The following JAM2 variants were observed in gnomAD, a reference collection of about 807,000 sequenced individuals.
JAM2 encodes junctional adhesion molecule B.
JAM2 carries 17 observed loss-of-function variants against 42.0 expected under a neutral mutation model. The ratio of observed to expected loss-of-function variants is 0.40; its 90% CI spans 0.28 to 0.61. JAM2 has a LOEUF of 0.61. Among genes scored for constraint, JAM2 ranks in the 20% least tolerant of loss-of-function variants. The pLI is 0.37. For missense variants in JAM2, 319 were observed against 358.3 expected, an observed-to-expected ratio of 0.89 and a Z score of 0.89; for synonymous variants, 118 against 128.6, an observed-to-expected ratio of 0.92 and a Z score of 0.56.
intron 6 of JAM2, among the ~76,000 whole-genome samples, chr21:25,702,643 C>A (rs1032782608): frequency 6.6e-6 from 1 of 152,086 alleles, no homozygotes; most frequent in African/African-American, 2.4e-5. Context: ...GAATGTATAT[C>A]ATTGATATTA....
Position 25,689,881 on chromosome 21 carries a change from G to T in JAM2, c.149G>T (p.Cys50Phe), listed in dbSNP as rs748046846. ...AVEYQEAILA[C>F]KTPKKTVSSR... The stretch of plus-strand genomic sequence containing the variant: ...TTGTTCCTAGAGGCTATTTTAGCCT[G>T]CAAAACCCCAAAGAAGACTGTTTCC... Residue 50 changes from cysteine (C) to phenylalanine (F), a missense_variant, in exon 3 of 10, where the codon TGC becomes TTC. Coordinates refer to ENST00000480456, the MANE Select transcript of JAM2 (RefSeq NM_021219.4). The T allele has an allele frequency of 6.2e-7, 1 of 1,612,560 alleles. No individual in the cohort carries two copies. Among genetic ancestry groups the T allele is most frequent in the East Asian group, 2.2e-5 (1 of 44,866 alleles).
chr21:25,695,609 C>T (rs1440932174), intron 4 of JAM2, among the ~76,000 whole-genome samples: 1 of 147,072 alleles, frequency 6.8e-6, no homozygotes, highest in African/African-American at 2.5e-5. Flanking sequence ...GAGGCGCCCC[C>T]CCACCTCCCT....
intron 1 of JAM2, among the ~76,000 whole-genome samples, chr21:25,683,184 T>C (rs1037222470): frequency 1.3e-5 from 2 of 152,024 alleles, no homozygotes. Flanking sequence ...GTATCAAAGG[T>C]GCCTTTTTAA....
chr21:25,669,750 T>G (rs1467894752), intron 1 of JAM2, among the ~76,000 whole-genome samples: 1 of 152,252 alleles, frequency 6.6e-6, no homozygotes, highest in Non-Finnish European at 1.5e-5. Context: ...TATGACTTCC[T>G]AAAGACAGAA....
intron 2 of JAM2, among the ~76,000 whole-genome samples, chr21:25,688,033 A>C (rs1211151456): frequency 6.6e-6 from 1 of 152,238 alleles, no homozygotes. Flanking sequence ...GATACAGCTC[A>C]AGAACAATGC....
At position 25,712,393 on chromosome 21, in the gene JAM2, T is replaced by A. The variant is rs749381747; in HGVS notation, c.864+11T>A. On this transcript the variant is annotated intron_variant, in intron 9 of 9. Coordinates refer to ENST00000480456, the MANE Select transcript of JAM2 (RefSeq NM_021219.4). ...ACAATGAGTGAAAATGTGAGTATCTTTAAAGCATATTTATAGAATGAATAT... is the reference window on the plus strand; with the variant it reads ...ACAATGAGTGAAAATGTGAGTATCTATAAAGCATATTTATAGAATGAATAT... 1.9e-6 allele frequency: 3 copies of A among 1,550,184 alleles called. No homozygotes were observed. The East Asian group carries it at 6.7e-5, about 35-fold the overall frequency.
At chr21:25,705,379 C>T (rs2034250697) in intron 6 of JAM2, among the ~76,000 whole-genome samples, 1 of 151,856 alleles carries the variant, frequency 6.6e-6, no homozygotes, top group African/African-American at 2.4e-5. Flanking sequence ...TCCAGGAATG[C>T]ACCACCATAC....
At chr21:25,691,796 A>G (rs2033887025) in intron 3 of JAM2, among the ~76,000 whole-genome samples, 1 of 152,088 alleles carries the variant, frequency 6.6e-6, no homozygotes, top group African/African-American at 2.4e-5. Flanking sequence ...TTGGGAAGCC[A>G]AGGCATGCGG....
intron 4 of JAM2, among the ~76,000 whole-genome samples, chr21:25,695,632 G>A (rs1414567077): frequency 1.3e-5 from 2 of 151,434 alleles, no homozygotes; most frequent in South Asian, 2.1e-4. Context: ...CGGATGGGGC[G>A]GCGGCAGGGC....
chr21:25,713,847 C>A (rs1345868958), intron 9 of JAM2, among the ~76,000 whole-genome samples: 2 of 152,208 alleles, frequency 1.3e-5, no homozygotes, highest in Non-Finnish European at 2.9e-5. Context: ...GTATGAAGCA[C>A]ATTGTGGCTA....
chr21:25,696,261 G>T (rs866334443), intron 4 of JAM2, among the ~76,000 whole-genome samples: 4 of 152,182 alleles, frequency 2.6e-5, no homozygotes, highest in Non-Finnish European at 5.9e-5. Context: ...GGCGGCGCGC[G>T]CCTGCAATCC....
In JAM2 at chr21:25,665,548, G is replaced by A. The variant is rs73897024; in HGVS notation, c.68-18335G>A. Among the ~76,000 whole-genome samples the A allele has an allele frequency of 7.4e-3, 1,124 of 152,228 alleles. 16 individuals carry two copies. The highest frequency in any genetic ancestry group is 0.025 in the African/African-American group (1,059 of 41,532). On this transcript the variant is annotated intron_variant, in intron 1 of 9. Coordinates refer to ENST00000480456, the MANE Select transcript of JAM2 (RefSeq NM_021219.4). ...ATGTATATAAAGAGACTTGTTTTAA[G>A]GAATTGGTTCATGTGATTATGGAGG...
chr21:25,639,882 C>A lies in JAM2; in HGVS notation c.61C>A (p.Leu21Met), dbSNP rs920170147. The A allele has an allele frequency of 6.3e-7, 1 of 1,590,506 alleles. No individual in the cohort carries two copies. The highest frequency in any genetic ancestry group is 1.8e-5 in the Admixed American group (1 of 56,926). The change falls in exon 1 of 10, where the codon CTG becomes ATG. Residue 21 changes from leucine to methionine, a missense_variant. Transcript: ENST00000480456. ...LLLLRYLVVA[L>M]GYHKAYGFSA... ...GCTGCTGCGCTACCTGGTGGTCGCC[C>A]TGGGCTGTAAGTTGCTCGGGTTCCT...
chr21:25,698,912 G>C, intron 5 of JAM2, 33 bp downstream of exon 5: 1 of 1,560,188 alleles, frequency 6.4e-7, no homozygotes, highest in Non-Finnish European at 8.8e-7. Flanking sequence ...CTTGATAACT[G>C]TCTTGCATTT....
At chr21:25,687,656 C>G (rs1367022509) in intron 2 of JAM2, among the ~76,000 whole-genome samples, 1 of 152,172 alleles carries the variant, frequency 6.6e-6, no homozygotes, top group African/African-American at 2.4e-5. Context: ...AATTTATTCT[C>G]TCATGGTTCT....
intron 1 of JAM2, among the ~76,000 whole-genome samples, chr21:25,676,286 CAAA>C (rs397958040): frequency 3.3e-5 from 2 of 61,260 alleles, no homozygotes; most frequent in Non-Finnish European, 3.3e-5. Context: ...AGACTCGTCT[CAAA>C]AAAAAAAAAA....
chr21:25,680,607 C>G lies in JAM2; in HGVS notation c.68-3276C>G, dbSNP rs867259380. ...GTGGTAATTGTGGGAAATGGAAATA[C>G]AGATGTCCAGCAGAAAGCTGGGCTT... On this transcript the variant is annotated intron_variant, in intron 1 of 9. Transcript: ENST00000480456. Among the ~76,000 whole-genome samples the G allele has an allele frequency of 1.7e-4, 26 of 152,318 alleles. 1 individual carries two copies. The highest frequency in any genetic ancestry group is 3.4e-3 in the Middle Eastern group (1 of 294).
chr21:25,683,966 T>C lies in JAM2; in HGVS notation c.133+18T>C. 1 of 1,508,596 alleles carries C rather than the reference T, an allele frequency of 6.6e-7. No homozygotes were observed. The highest frequency in any genetic ancestry group is 9.1e-7 in the Non-Finnish European group (1 of 1,096,004). 93.5% of individuals were successfully genotyped at this position (1,508,596 alleles called of 1,614,324 possible). On this transcript the variant is annotated intron_variant, in intron 2 of 9. Transcript: ENST00000480456. Reference sequence around the variant, plus strand: ...GTACCAAGGTACAGTATCTTACTGATTTTCACAGGCTGTATTGTTTAAATA... The same window carrying C: ...GTACCAAGGTACAGTATCTTACTGACTTTCACAGGCTGTATTGTTTAAATA...
rs76253261 is a variant in JAM2, at chr21:25,662,146, T to A, written c.68-21737T>A. Among the ~76,000 whole-genome samples the A allele has an allele frequency of 3.6e-4, 55 of 152,322 alleles. 1 individual carries two copies. The East Asian group carries it at 9.4e-3, about 26-fold the overall frequency. On this transcript the variant is annotated intron_variant, in intron 1 of 9. Transcript: ENST00000480456. ...ATAGATAAAACTTAATACTTTTTTT[T>A]ATTTTATTTATATATTTTGAGAAGA...
Sources: allele counts gnomAD v4.1 joint callset (sites outside exome capture counted in the v4.1 genomes callset), GRCh38; gene constraint gnomAD v4.1.1; transcripts MANE v1.5; gene names NCBI Gene and HGNC (gene_info 2026-07-23, HGNC 2026-07-21).